GLI3: variants seen among roughly 807,000 people sequenced by gnomAD.
GLI3 encodes transcription activator GLI3.
In GLI3, 20 loss-of-function variants were observed where a neutral mutation model predicts 100.8. The observed-to-expected ratio is 0.20, with a 90% CI of 0.14 to 0.29. The LOEUF (loss-of-function observed/expected upper bound fraction) is 0.29. Among genes scored for constraint, GLI3 ranks in the 10% least tolerant of loss-of-function variants. The pLI is 1.00. For synonymous variants in GLI3, 938 were observed against 860.5 expected, an observed-to-expected ratio of 1.09 and a Z score of -1.58; for missense variants, 2,040 against 2,128.5, an observed-to-expected ratio of 0.96 and a Z score of 0.82.
chr7:42,212,089 C>T (rs1378448900), intron 2 of GLI3, among the ~76,000 whole-genome samples: 2 of 152,202 alleles, frequency 1.3e-5, no homozygotes, highest in African/African-American at 4.8e-5. Context: ...AGAGACATCT[C>T]GCTCTTTCTC....
intron 3 of GLI3, among the ~76,000 whole-genome samples, chr7:42,094,324 A>G (rs1422061566): frequency 6.6e-6 from 1 of 152,140 alleles, no homozygotes; most frequent in African/African-American, 2.4e-5. Flanking sequence ...TTCACTAGAC[A>G]GGGTGTGGTG....
At chr7:42,014,888 C>A (rs1383490648) in intron 10 of GLI3, among the ~76,000 whole-genome samples, 1 of 152,182 alleles carries the variant, frequency 6.6e-6, no homozygotes, top group South Asian at 2.1e-4. Flanking sequence ...CCTGCATAGG[C>A]GAGCCTGTGC....
chr7:42,237,652 C>A, upstream of GLI3: 1 of 152,640 alleles, frequency 6.6e-6, no homozygotes, highest in Non-Finnish European at 1.5e-5. Context: ...ACTCTCTCTT[C>A]CTCCGCCCCG....
At chr7:42,152,882 T>G (rs1786906948) in intron 2 of GLI3, among the ~76,000 whole-genome samples, 1 of 152,098 alleles carries the variant, frequency 6.6e-6, no homozygotes, top group Non-Finnish European at 1.5e-5. Flanking sequence ...AGGGGTGAGC[T>G]TTTTTCTTTG....
intron 2 of GLI3, among the ~76,000 whole-genome samples, chr7:42,196,989 G>A (rs1017318402): frequency 2.6e-5 from 4 of 152,234 alleles, no homozygotes; most frequent in Admixed American, 6.5e-5. Flanking sequence ...ACTCCTGATG[G>A]CAACCCTTCA....
chr7:41,979,232 A>T (rs972829722), intron 10 of GLI3, among the ~76,000 whole-genome samples: 4 of 152,246 alleles, frequency 2.6e-5, no homozygotes, highest in African/African-American at 9.6e-5. Flanking sequence ...ACACACAGAC[A>T]TGCACAATTC....
rs2128707086 is a variant in GLI3, at chr7:41,967,754, G to A, written c.2273C>T (p.Thr758Ile). 6.2e-7 allele frequency: 1 copy of A among 1,614,210 alleles called. No individual in the cohort carries two copies. The highest frequency in any genetic ancestry group is 8.5e-7 in the Non-Finnish European group (1 of 1,180,040). ...CCTGGCTTGCAAAGCAAGGGCTGTG[G>A]TTGCAGTGGAAATGGTTGAGTCCAT... ...PIMDSTISTA[T>I]TALALQARRN... is the part of the protein sequence containing the mutation. The change falls in exon 14 of 15, where the codon ACC becomes ATC. Residue 758 changes from threonine to isoleucine, a missense_variant. Coordinates refer to ENST00000395925, the MANE Select transcript of GLI3 (RefSeq NM_000168.6).
chr7:42,072,710 G>C (rs1470871075), intron 4 of GLI3, among the ~76,000 whole-genome samples: 1 of 152,156 alleles, frequency 6.6e-6, no homozygotes, highest in East Asian at 1.9e-4. Context: ...CAGCCCTGAT[G>C]TCAACAATGC....
chr7:41,972,692 GTCCTTTATGGTTGCTCATTACATTTTTAA>G lies in GLI3; in HGVS notation c.1813-94_1813-66del. The stretch of plus-strand genomic sequence containing the variant: ...AAAGAGACTATGCCCCAGCCCAAAA[GTCCTTTATGGTTGCTCATTACATTTTTAA>G]TCCTTTCAAAACACTTTCACAAGGC... On this transcript the variant is annotated intron_variant, in intron 12 of 14. Transcript: ENST00000395925. This position sits in a 1 kb window ranked among gnomAD's most constrained non-coding sequence, Gnocchi z 4.4. 7.5e-7 allele frequency: 1 copy of G among 1,331,294 alleles called. No individual in the cohort carries two copies. The highest frequency in any genetic ancestry group is 1.1e-6 in the Non-Finnish European group (1 of 941,952). 82.5% of individuals were successfully genotyped at this position (1,331,294 alleles called of 1,614,324 possible).
intron 3 of GLI3, among the ~76,000 whole-genome samples, chr7:42,103,010 T>C (rs974449250): frequency 1.2e-4 from 18 of 152,186 alleles, no homozygotes; most frequent in Admixed American, 3.3e-4. Flanking sequence ...ATAGTGAACA[T>C]GTACTAACTC....
chr7:42,133,159 C>A lies in GLI3; in HGVS notation c.367+15067G>T, dbSNP rs573206981. ...AAAGTAAAACTTATACAAAAACATT[C>A]TCTCATATCATCAGCTTACTTAAGT... On this transcript the variant is annotated intron_variant, in intron 3 of 14. Coordinates refer to ENST00000395925, the MANE Select transcript of GLI3 (RefSeq NM_000168.6). Among the ~76,000 whole-genome samples the A allele has an allele frequency of 4.6e-5, 7 of 152,218 alleles. No homozygotes were observed. In the East Asian group the frequency reaches 1.2e-3, roughly 25 times the overall value.
intron 10 of GLI3, among the ~76,000 whole-genome samples, chr7:41,999,577 AT>A (rs1039391257): frequency 1.3e-5 from 2 of 151,988 alleles, no homozygotes; most frequent in Non-Finnish European, 2.9e-5. Context: ...AACGCCCTGC[AT>A]CAGGGGCCCT....
chr7:41,967,973 G>A lies in GLI3; in HGVS notation c.2104-50C>T, dbSNP rs115463742. ...AGAAATGTCACCAGGGAGGGTCAAG[G>A]AAAGGGAGCCAATAATGAGAGCTCA... On this transcript the variant is annotated intron_variant, in intron 13 of 14. Transcript: ENST00000395925. The A allele has an allele frequency of 7.4e-4, 1,050 of 1,420,906 alleles. 4 individuals carry two copies. The African/African-American group carries it at 0.014, about 18-fold the overall frequency. 88.0% of individuals were successfully genotyped at this position (1,420,906 alleles called of 1,614,324 possible). A position where few individuals can be genotyped will look rare whatever the true frequency, so the allele number is the denominator to read the frequency against.
intron 4 of GLI3, among the ~76,000 whole-genome samples, chr7:42,059,590 G>A (rs1321412726): frequency 6.6e-6 from 1 of 152,180 alleles, no homozygotes; most frequent in Non-Finnish European, 1.5e-5. Context: ...CCACCTTGAT[G>A]AGGAAACAGC....
At position 41,964,836 on chromosome 7, in the gene GLI3, T is replaced by C. The variant is rs1339336770; in HGVS notation, c.4237A>G (p.Ser1413Gly). Residue 1413 changes from serine to glycine, a missense_variant, in exon 15 of 15, where the codon AGT becomes GGT. Transcript: ENST00000395925. ...ATACCATTCACCCTGCAGGTCTGACTTGTGTCACTGAGCTGTCCTGACTGC... is the reference window on the plus strand; with the variant it reads ...ATACCATTCACCCTGCAGGTCTGACCTGTGTCACTGAGCTGTCCTGACTGC... ...ALQSGQLSDT[S>G]QTCRVNGIKM... 6.2e-7 allele frequency: 1 copy of C among 1,614,000 alleles called. No homozygotes were observed. The highest frequency in any genetic ancestry group is 8.5e-7 in the Non-Finnish European group (1 of 1,180,030).
intron 2 of GLI3, among the ~76,000 whole-genome samples, chr7:42,168,933 A>AAAAAAAT (rs1787303905): frequency 6.6e-6 from 1 of 152,138 alleles, no homozygotes; most frequent in Non-Finnish European, 1.5e-5. Flanking sequence ...AATTAAAAAC[A>AAAAAAAT]AAAAAATAAA....
chr7:42,145,575 G>C, intron 3 of GLI3: 1 of 385,020 alleles, frequency 2.6e-6, no homozygotes, highest in Non-Finnish European at 4.5e-6. Flanking sequence ...TGTTATAGAA[G>C]AAACTGGTCT....
intron 4 of GLI3, among the ~76,000 whole-genome samples, chr7:42,060,678 T>C (rs1784548905): frequency 6.6e-6 from 1 of 152,080 alleles, no homozygotes; most frequent in Admixed American, 6.6e-5. Context: ...ATAGGCAAAA[T>C]AATATCCTTT....
chr7:42,206,261 C>T (rs879300956), intron 2 of GLI3, among the ~76,000 whole-genome samples: 3 of 150,986 alleles, frequency 2.0e-5, no homozygotes, highest in Non-Finnish European at 4.4e-5. Flanking sequence ...GAACGAGACC[C>T]CATCTAAAAA....
Sources: gnomAD v4.1 joint callset for allele counts (sites outside exome capture counted in the v4.1 genomes callset) on GRCh38, gnomAD v4.1.1 for gene constraint, Gnocchi (gnomAD v3.1) non-coding constraint, MANE v1.5 for transcripts, NCBI Gene and HGNC (gene_info 2026-07-23, HGNC 2026-07-21) for gene names.